PPP2R2B: variants seen among roughly 807,000 people sequenced by gnomAD.
PPP2R2B encodes the protein serine/threonine-protein phosphatase 2A 55 kDa regulatory subunit B beta isoform.
Under a neutral mutation model 46.0 loss-of-function variants are expected in PPP2R2B, and 5 were observed. That is an observed-to-expected ratio of 0.11 (90% CI 0.06 to 0.23). PPP2R2B has a LOEUF of 0.23. Ranked by LOEUF, PPP2R2B falls within the 10% of genes least tolerant of loss-of-function variation. The pLI is 1.00. For synonymous variants in PPP2R2B, 215 were observed against 206.7 expected (o/e 1.04, Z -0.34); for missense variants, 367 against 575.0 (o/e 0.64, Z 3.70).
At chr5:146,802,340 G>T (rs1756914113) in intron 2 of PPP2R2B, among the ~76,000 whole-genome samples, 1 of 152,140 alleles carries the variant, frequency 6.6e-6, no homozygotes, top group African/African-American at 2.4e-5. Context: ...TTCTACCCAA[G>T]AACTCAACAG....
At chr5:147,017,439 T>G (rs779157356) in intron 1 of PPP2R2B, among the ~76,000 whole-genome samples, 31 of 151,500 alleles carry the variant, frequency 2.0e-4, no homozygotes, top group Non-Finnish European at 3.7e-4. Context: ...AGATAACATT[T>G]GTTATCATTA....
intron 2 of PPP2R2B, among the ~76,000 whole-genome samples, chr5:146,793,243 A>G (rs1217483540): frequency 6.6e-6 from 1 of 152,184 alleles, no homozygotes; most frequent in Non-Finnish European, 1.5e-5. Context: ...TTGTAGGTGA[A>G]AAAGGTTTGT....
intron 7 of PPP2R2B, among the ~76,000 whole-genome samples, chr5:146,620,241 C>G (rs947040390): frequency 2.0e-5 from 3 of 152,182 alleles, no homozygotes; most frequent in African/African-American, 7.2e-5. Context: ...TTAGGGTTCG[C>G]CTGTCAATCT....
chr5:147,077,010 A>G (rs1473408206), intron 2 of PPP2R2B, among the ~76,000 whole-genome samples: 2 of 137,618 alleles, frequency 1.5e-5, no homozygotes, highest in Non-Finnish European at 3.1e-5. Flanking sequence ...ACCAAGATGC[A>G]ATTTGAACAT....
intron 2 of PPP2R2B, among the ~76,000 whole-genome samples, chr5:147,073,085 T>C (rs568523541): frequency 3.9e-5 from 6 of 152,174 alleles, no homozygotes; most frequent in African/African-American, 1.2e-4. Context: ...CAGGGTTTTG[T>C]CCATGACTGG....
At chr5:147,001,790 C>T (rs1226202107) in intron 1 of PPP2R2B, among the ~76,000 whole-genome samples, 8 of 152,108 alleles carry the variant, frequency 5.3e-5, no homozygotes, top group East Asian at 1.9e-4. Flanking sequence ...AGACTAAAGA[C>T]GCGGGTGCCA....
chr5:146,680,230 T>C (rs1489340479), intron 5 of PPP2R2B, among the ~76,000 whole-genome samples: 15 of 148,060 alleles, frequency 1.0e-4, no homozygotes, highest in African/African-American at 3.8e-4. Context: ...AAATGATGAG[T>C]TCATGTCCTT....
At chr5:146,976,260 C>G (rs188162169) in intron 1 of PPP2R2B, among the ~76,000 whole-genome samples, 1 of 151,872 alleles carries the variant, frequency 6.6e-6, no homozygotes, top group South Asian at 2.1e-4. Flanking sequence ...GCGTCAGCCT[C>G]CCGGGTAGCT....
chr5:146,632,623 C>A (rs1486742832), intron 7 of PPP2R2B, among the ~76,000 whole-genome samples: 2 of 152,078 alleles, frequency 1.3e-5, no homozygotes, highest in African/African-American at 4.8e-5. Context: ...GTAAAGCAAA[C>A]AACTATAATG....
At chr5:146,878,950 G>A (rs1026313773), upstream of PPP2R2B, 45 of 1,120,026 alleles carry the variant, frequency 4.0e-5, 2 homozygotes, top group South Asian at 7.2e-4. The surrounding 1 kb of genome is among the most constrained non-coding windows in gnomAD (Gnocchi z 4.5). Context: ...CAGGTGGAAC[G>A]CATAGACGCG....
intron 1 of PPP2R2B, among the ~76,000 whole-genome samples, chr5:147,053,899 C>T (rs1756949576): frequency 6.6e-6 from 1 of 152,140 alleles, no homozygotes; most frequent in African/African-American, 2.4e-5. Flanking sequence ...CATGTCTTTT[C>T]CACTATGTCC....
chr5:146,749,075 T>G (rs1202389126), intron 2 of PPP2R2B, among the ~76,000 whole-genome samples: 1 of 152,220 alleles, frequency 6.6e-6, no homozygotes, highest in Non-Finnish European at 1.5e-5. Context: ...TTCCAGCACT[T>G]GTATTGCTAC....
chr5:146,978,590 C>G (rs1753023512), intron 1 of PPP2R2B, among the ~76,000 whole-genome samples: 1 of 152,158 alleles, frequency 6.6e-6, no homozygotes, highest in Admixed American at 6.6e-5. Flanking sequence ...CTGCATATGG[C>G]TAGACAGTTT....
intron 1 of PPP2R2B, among the ~76,000 whole-genome samples, chr5:146,936,062 C>T (rs1764129117): frequency 2.0e-5 from 3 of 152,278 alleles, no homozygotes; most frequent in Middle Eastern, 3.4e-3. Context: ...GCTGTTACTA[C>T]AGTCAAATAG....
intron 2 of PPP2R2B, among the ~76,000 whole-genome samples, chr5:146,735,311 C>T (rs1438891631): frequency 6.6e-6 from 1 of 151,972 alleles, no homozygotes; most frequent in Non-Finnish European, 1.5e-5. Flanking sequence ...AGCAAACAGT[C>T]CCCTCCCACC....
At position 146,896,698 on chromosome 5, in the gene PPP2R2B, T is replaced by C. The variant is rs542911120; in HGVS notation, c.79+158967A>G. On this transcript the variant is annotated intron_variant, in intron 1 of 8. Coordinates refer to the PPP2R2B transcript ENST00000336640. The stretch of plus-strand genomic sequence containing the variant: ...CCCATTTCTTTCTTCCTTTTTTTTT[T>C]CGGTGATTCACTTTCCTGTTATTCA... 3.3e-5 allele frequency among the ~76,000 whole-genome samples: 5 copies of C among 152,238 alleles called. No homozygotes were observed. The East Asian group carries it at 5.8e-4, about 18-fold the overall frequency.
intron 2 of PPP2R2B, among the ~76,000 whole-genome samples, chr5:146,762,115 T>C (rs1005227716): frequency 2.6e-5 from 4 of 152,228 alleles, no homozygotes; most frequent in Non-Finnish European, 4.4e-5. Context: ...AATGATATGA[T>C]TTCATACAAC....
At chr5:147,072,542 G>A (rs1319974223) in intron 2 of PPP2R2B, among the ~76,000 whole-genome samples, 1 of 152,124 alleles carries the variant, frequency 6.6e-6, no homozygotes, top group Non-Finnish European at 1.5e-5. Context: ...AAATGGATAT[G>A]TTGTTAAACT....
intron 2 of PPP2R2B, among the ~76,000 whole-genome samples, chr5:146,732,205 G>T (rs1424611635): frequency 2.0e-5 from 3 of 152,106 alleles, no homozygotes; most frequent in Non-Finnish European, 4.4e-5. Context: ...CTCCACATAG[G>T]GCTGAGTATG....
Sources: allele counts gnomAD v4.1 joint callset (sites outside exome capture counted in the v4.1 genomes callset), GRCh38; gene constraint gnomAD v4.1.1; non-coding constraint Gnocchi (gnomAD v3.1); transcripts MANE v1.5; gene names NCBI Gene and HGNC (gene_info 2026-07-23, HGNC 2026-07-21).